The following ZMAT4 variants were observed in gnomAD, a reference collection of about 807,000 sequenced individuals.
ZMAT4 encodes the protein zinc finger matrin-type protein 4.
Under a neutral mutation model 28.7 loss-of-function variants are expected in ZMAT4, and 17 were observed. The ratio of observed to expected loss-of-function variants is 0.59; its 90% CI spans 0.41 to 0.89. The LOEUF (loss-of-function observed/expected upper bound fraction) is 0.89, where lower values mean the gene tolerates loss of function less well. Ranked by LOEUF, ZMAT4 falls within the 40% of genes least tolerant of loss-of-function variation. The pLI is 0.00. For synonymous variants in ZMAT4, 117 were observed against 109.2 expected (o/e 1.07, Z -0.44); for missense variants, 240 against 283.8 (o/e 0.85, Z 1.11).
chr8:40,844,059 C>G (rs938954697), intron 1 of ZMAT4, among the ~76,000 whole-genome samples: 5 of 152,308 alleles, frequency 3.3e-5, no homozygotes, highest in Admixed American at 2.0e-4. Context: ...TTTAGCCCAG[C>G]CTGGAGCACT....
intron 1 of ZMAT4, among the ~76,000 whole-genome samples, chr8:40,877,587 A>T (rs538843347): frequency 6.6e-6 from 1 of 152,258 alleles, no homozygotes; most frequent in South Asian, 2.1e-4. Context: ...CTCCTTTTTT[A>T]TTTAAATGCT....
chr8:40,615,631 A>G (rs1054220532), intron 5 of ZMAT4, among the ~76,000 whole-genome samples: 6 of 150,964 alleles, frequency 4.0e-5, no homozygotes, highest in African/African-American at 1.2e-4. Flanking sequence ...GTTTCTTTTT[A>G]CTCTTTTTTT....
chr8:40,683,590 T>A (rs1012202860), intron 4 of ZMAT4, among the ~76,000 whole-genome samples: 1 of 152,130 alleles, frequency 6.6e-6, no homozygotes, highest in Admixed American at 6.5e-5. Context: ...TGAAACTGGG[T>A]TTTTGGATAC....
intron 6 of ZMAT4, among the ~76,000 whole-genome samples, chr8:40,539,486 G>A (rs532506079): frequency 6.6e-6 from 1 of 152,320 alleles, no homozygotes; most frequent in East Asian, 1.9e-4. Context: ...GCTTGTGATT[G>A]AAAGTTAGGT....
chr8:40,616,001 A>C (rs1805991769), intron 5 of ZMAT4, among the ~76,000 whole-genome samples: 1 of 152,218 alleles, frequency 6.6e-6, no homozygotes, highest in East Asian at 1.9e-4. Context: ...AAAAAGGGCT[A>C]ATATCCAGAA....
intron 1 of ZMAT4, among the ~76,000 whole-genome samples, chr8:40,859,415 C>T (rs1270354454): frequency 2.0e-5 from 3 of 152,068 alleles, no homozygotes; most frequent in Admixed American, 6.6e-5. Context: ...ATCTTCAATC[C>T]CTCAAAATCC....
At position 40,727,015 on chromosome 8, in the gene ZMAT4, G is replaced by A. The variant is rs867742223; in HGVS notation, c.193-29614C>T. On this transcript the variant is annotated intron_variant, in intron 3 of 6. Transcript: ENST00000297737. ...TCGGAGAGGTACAAGAAGATATTTC[G>A]GAAGGATACTTTCAAGTACAAGTAC... 3.9e-5 allele frequency among the ~76,000 whole-genome samples: 6 copies of A among 152,190 alleles called. No homozygotes were observed. The South Asian group carries it at 8.3e-4, about 21-fold the overall frequency.
intron 2 of ZMAT4, among the ~76,000 whole-genome samples, chr8:40,793,712 G>A (rs1268984376): frequency 6.6e-6 from 1 of 152,178 alleles, no homozygotes. Context: ...GTGAGGACCA[G>A]AGCCACTGAT....
chr8:40,649,487 C>T (rs941963947), intron 5 of ZMAT4, among the ~76,000 whole-genome samples: 3 of 152,170 alleles, frequency 2.0e-5, no homozygotes, highest in Non-Finnish European at 4.4e-5. Flanking sequence ...GAGACTTTAA[C>T]ACCCCACTGT....
intron 1 of ZMAT4, among the ~76,000 whole-genome samples, chr8:40,889,901 T>G (rs1180484860): frequency 6.6e-6 from 1 of 152,200 alleles, no homozygotes; most frequent in African/African-American, 2.4e-5. Context: ...AAGAGTATAT[T>G]TTTTTGAGAC....
rs77144939 is a variant in ZMAT4 at position 40,640,907 on chromosome 8, C to T, written c.577+33797G>A. 7.1e-4 allele frequency among the ~76,000 whole-genome samples: 105 copies of T among 147,918 alleles called. No homozygotes were observed. The East Asian group carries it at 0.018, about 25-fold the overall frequency. On this transcript the variant is annotated intron_variant, in intron 5 of 6. Coordinates refer to ENST00000297737, the MANE Select transcript of ZMAT4 (RefSeq NM_024645.3). ...CTGCAAGGTGGAAGTTGCAGTGGGC[C>T]GAGATTGCACCACTGCACTCCAGCC...
chr8:40,843,280 G>A (rs1407728501), intron 1 of ZMAT4, among the ~76,000 whole-genome samples: 1 of 152,082 alleles, frequency 6.6e-6, no homozygotes, highest in Non-Finnish European at 1.5e-5. Flanking sequence ...CATTTCATTT[G>A]GGCAACCTCT....
intron 5 of ZMAT4, among the ~76,000 whole-genome samples, chr8:40,664,435 G>A (rs1808320811): frequency 6.6e-6 from 1 of 152,054 alleles, no homozygotes; most frequent in African/African-American, 2.4e-5. Flanking sequence ...ATAAAACCAG[G>A]TTGCCACCAC....
At chr8:40,781,623 G>A (rs533408753) in intron 2 of ZMAT4, among the ~76,000 whole-genome samples, 57 of 149,408 alleles carry the variant, frequency 3.8e-4, no homozygotes, top group African/African-American at 1.1e-3. Flanking sequence ...TTAGCCGGGC[G>A]TAGTGGCGGG....
intron 1 of ZMAT4, among the ~76,000 whole-genome samples, chr8:40,883,267 C>T (rs1818342667): frequency 6.6e-6 from 1 of 152,178 alleles, no homozygotes; most frequent in Non-Finnish European, 1.5e-5. Flanking sequence ...TTTCCAAAAC[C>T]CCAAGGCAGT....
chr8:40,705,822 T>G (rs1810326755), intron 3 of ZMAT4, among the ~76,000 whole-genome samples: 1 of 152,174 alleles, frequency 6.6e-6, no homozygotes, highest in African/African-American at 2.4e-5. Flanking sequence ...TCTCTTAAAC[T>G]TATTTCTTCT....
At chr8:40,605,627 T>C (rs1488651131) in intron 5 of ZMAT4, among the ~76,000 whole-genome samples, 1 of 152,228 alleles carries the variant, frequency 6.6e-6, no homozygotes, top group Non-Finnish European at 1.5e-5. Flanking sequence ...ATGAATAGAA[T>C]GTATATTCTA....
At chr8:40,773,509 T>A (rs1483031179) in intron 2 of ZMAT4, among the ~76,000 whole-genome samples, 3 of 149,930 alleles carry the variant, frequency 2.0e-5, no homozygotes, top group Non-Finnish European at 3.0e-5. Context: ...GTGGCATCTA[T>A]AAAAAAAAAA....
At chr8:40,896,027 G>C (rs939919356) in intron 1 of ZMAT4, among the ~76,000 whole-genome samples, 1 of 152,162 alleles carries the variant, frequency 6.6e-6, no homozygotes, top group Non-Finnish European at 1.5e-5. Context: ...CTGTCAGATA[G>C]GAAGTACAGA....
Sources: allele counts gnomAD v4.1 joint callset (sites outside exome capture counted in the v4.1 genomes callset), GRCh38; gene constraint gnomAD v4.1.1; transcripts MANE v1.5; gene names NCBI Gene and HGNC (gene_info 2026-07-23, HGNC 2026-07-21).